The following CDKL5 variants were observed in gnomAD, a reference collection of about 807,000 sequenced individuals.
CDKL5 encodes the protein cyclin-dependent kinase-like 5.
Under a neutral mutation model 61.7 loss-of-function variants are expected in CDKL5, and 8 were observed. That is an observed-to-expected ratio of 0.13 (90% CI 0.08 to 0.23). The LOEUF (loss-of-function observed/expected upper bound fraction) is 0.23, where lower values mean the gene tolerates loss of function less well. Among genes scored for constraint, CDKL5 ranks in the 10% least tolerant of loss-of-function variants. CDKL5 has a pLI of 1.00. For synonymous variants in CDKL5, 275 were observed against 272.3 expected (o/e 1.01, Z -0.10); for missense variants, 440 against 734.5 (o/e 0.60, Z 4.63).
intron 4 of CDKL5, among the ~76,000 whole-genome samples, chrX:18,569,687 T>G (rs1197057926): frequency 8.9e-6 from 1 of 111,993 alleles, no homozygotes; most frequent in African/African-American, 3.2e-5. Flanking sequence ...AGCCTTTACT[T>G]TAGGAAAACC....
At chrX:18,495,974 C>T (rs534451837) in intron 1 of CDKL5, among the ~76,000 whole-genome samples, 7 of 112,357 alleles carry the variant, frequency 6.2e-5, no homozygotes, top group African/African-American at 1.3e-4. Context: ...TGTTGTTCAC[C>T]GCTATATCCT....
chrX:18,556,502 A>C (rs1437796440), intron 3 of CDKL5, among the ~76,000 whole-genome samples: 1 of 111,501 alleles, frequency 9.0e-6, no homozygotes, highest in Non-Finnish European at 1.9e-5. Flanking sequence ...ACTTCATTAA[A>C]ACTCAGTATC....
At chrX:18,480,571 T>TGAAGATG (rs1921508043) in intron 1 of CDKL5, among the ~76,000 whole-genome samples, 1 of 111,730 alleles carries the variant, frequency 9.0e-6, no homozygotes, top group African/African-American at 3.3e-5. Flanking sequence ...TCCACCTTAT[T>TGAAGATG]GAAGATGGGG....
chrX:18,445,019 AT>A (rs1232872888), intron 1 of CDKL5, among the ~76,000 whole-genome samples: 2 of 108,863 alleles, frequency 1.8e-5, no homozygotes, highest in Non-Finnish European at 3.8e-5. Flanking sequence ...AGTAGTGTAA[AT>A]TTTGACTCCA....
At chrX:18,593,062 A>C (rs987631573) in intron 9 of CDKL5, among the ~76,000 whole-genome samples, 4 of 112,158 alleles carry the variant, frequency 3.6e-5, no homozygotes, top group Non-Finnish European at 5.6e-5. Context: ...TAACCAAAAG[A>C]CTGCCTGATT....
intron 11 of CDKL5, among the ~76,000 whole-genome samples, chrX:18,599,207 C>T (rs1382153600): frequency 1.8e-5 from 2 of 112,176 alleles, no homozygotes; most frequent in East Asian, 5.6e-4. Context: ...TTTTCAAAGC[C>T]TGTTTCCTGA....
At chrX:18,599,521 A>G (rs1926112857) in intron 11 of CDKL5, among the ~76,000 whole-genome samples, 1 of 112,405 alleles carries the variant, frequency 8.9e-6, no homozygotes, top group African/African-American at 3.2e-5. Context: ...TGGCATGATT[A>G]TAACTCACTG....
Position 18,630,755 on chromosome X carries a change from C to T in CDKL5, c.*1998C>T. On this transcript the variant is annotated 3_prime_UTR_variant, in exon 18 of 18. Coordinates refer to ENST00000623535, the MANE Select transcript of CDKL5 (RefSeq NM_001323289.2). ...TATTACTGAAAAAATTTGACTCAAACCAATAGTTTTGCATGCTCTTTAGTT... is the reference window on the plus strand; with the variant it reads ...TATTACTGAAAAAATTTGACTCAAATCAATAGTTTTGCATGCTCTTTAGTT... 2.7e-6 allele frequency: 2 copies of T among 750,553 alleles called. No individual in the cohort carries two copies. The highest frequency in any genetic ancestry group is 3.1e-6 in the Non-Finnish European group (2 of 637,644). 61.9% of individuals were successfully genotyped at this position (750,553 alleles called of 1,213,427 possible).
chrX:18,620,078 A>G lies in CDKL5; in HGVS notation c.2376+112A>G, dbSNP rs189775257. The G allele has an allele frequency of 2.6e-4, 131 of 499,066 alleles. No homozygotes were observed. The African/African-American group carries it at 2.9e-3, about 11-fold the overall frequency. 41.1% of individuals were successfully genotyped at this position (499,066 alleles called of 1,213,427 possible). A position where few individuals can be genotyped will look rare whatever the true frequency, so the allele number is the denominator to read the frequency against. On this transcript the variant is annotated intron_variant, in intron 16 of 17. Coordinates refer to ENST00000623535, the MANE Select transcript of CDKL5 (RefSeq NM_001323289.2). ...TTGATTGTTTTCTTATTGAGACTTG[A>G]CATTTTTGCACTGTATTATGTCTCT...
intron 2 of CDKL5, among the ~76,000 whole-genome samples, chrX:18,509,939 G>A (rs1227813490): frequency 9.3e-6 from 1 of 107,435 alleles, no homozygotes; most frequent in African/African-American, 3.4e-5. Context: ...ATTGCTTGAG[G>A]CCAGGAGTTT....
Position 18,639,677 on chromosome X carries a change from C to G in CDKL5, c.*10920C>G, listed in dbSNP as rs766609074. Among the ~76,000 whole-genome samples, 1 of 111,998 alleles carries G rather than the reference C, an allele frequency of 8.9e-6. No homozygotes were observed. The highest frequency in any genetic ancestry group is 3.7e-4 in the South Asian group (1 of 2,723). On this transcript the variant is annotated 3_prime_UTR_variant, in exon 18 of 18. Transcript: ENST00000623535. The stretch of plus-strand genomic sequence containing the variant: ...CCCAAGATAAATGAAAACACACATC[C>G]GCACAAAAACTTATACACAAATGTT...
chrX:18,617,937 A>C (rs182503729), intron 15 of CDKL5, among the ~76,000 whole-genome samples: 147 of 111,595 alleles, frequency 1.3e-3, no homozygotes, highest in African/African-American at 4.5e-3. Flanking sequence ...CCAACGATGC[A>C]ACATGCAAAC....
intron 1 of CDKL5, among the ~76,000 whole-genome samples, chrX:18,462,030 G>T (rs1163059019): frequency 1.8e-5 from 2 of 110,623 alleles, no homozygotes. Flanking sequence ...TTTGAATGTG[G>T]CCCAGCACAA....
At chrX:18,653,515 C>A (rs1216606704) in exon 22 of CDKL5, 1 of 1,210,445 alleles carries the variant, frequency 8.3e-7, no homozygotes, top group East Asian at 3.0e-5. Flanking sequence ...CCTGACATAC[C>A]ATGAGAATGC....
intron 11 of CDKL5, among the ~76,000 whole-genome samples, chrX:18,599,108 A>C (rs1463623745): frequency 8.9e-6 from 1 of 112,648 alleles, no homozygotes; most frequent in Non-Finnish European, 1.9e-5. Context: ...TGAGTTGAGA[A>C]ATTAATTTTT....
At chrX:18,485,900 AAAG>A (rs1921773458) in intron 1 of CDKL5, among the ~76,000 whole-genome samples, 1 of 111,310 alleles carries the variant, frequency 9.0e-6, no homozygotes, top group Non-Finnish European at 1.9e-5. Flanking sequence ...TTTTTTTTAA[AAAG>A]AGAGAGCGCA....
chrX:18,579,087 CAT>C (rs1286298604), intron 5 of CDKL5, among the ~76,000 whole-genome samples: 1 of 111,482 alleles, frequency 9.0e-6, no homozygotes, highest in Non-Finnish European at 1.9e-5. Context: ...CACAGATCCA[CAT>C]GTTACACTTT....
intron 21 of CDKL5, among the ~76,000 whole-genome samples, chrX:18,652,549 A>G (rs776020658): frequency 1.6e-4 from 18 of 111,423 alleles, no homozygotes; most frequent in Non-Finnish European, 2.6e-4. Flanking sequence ...GGCACCTGTA[A>G]TCCCAGCTAC....
chrX:18,432,084 T>C (rs1350217549), intron 1 of CDKL5, among the ~76,000 whole-genome samples: 1 of 105,463 alleles, frequency 9.5e-6, no homozygotes, highest in African/African-American at 3.5e-5. Context: ...AATTTCTTTC[T>C]TTCTTTCTTT....
Sources: gnomAD v4.1 joint callset for allele counts (sites outside exome capture counted in the v4.1 genomes callset) on GRCh38, gnomAD v4.1.1 for gene constraint, MANE v1.5 for transcripts, NCBI Gene and HGNC (gene_info 2026-07-23, HGNC 2026-07-21) for gene names.